The following ADAM12 variants were observed in gnomAD, a reference collection of about 807,000 sequenced individuals.
The protein encoded by ADAM12 is disintegrin and metalloproteinase domain-containing protein 12.
ADAM12 carries 70 observed loss-of-function variants against 106.4 expected under a neutral mutation model. The ratio of observed to expected loss-of-function variants is 0.66; its 90% CI spans 0.54 to 0.80. The LOEUF is 0.80. Ranked by LOEUF, ADAM12 falls within the 30% of genes least tolerant of loss-of-function variation. ADAM12 has a pLI of 0.00. For missense variants in ADAM12, 1,010 were observed against 1,171.9 expected, an observed-to-expected ratio of 0.86 and a Z score of 2.02; for synonymous variants, 420 against 433.5, an observed-to-expected ratio of 0.97 and a Z score of 0.39.
chr10:126,379,375 G>A (rs764151852), intron 1 of ADAM12, among the ~76,000 whole-genome samples: 1 of 152,172 alleles, frequency 6.6e-6, no homozygotes, highest in Admixed American at 6.5e-5. Context: ...AAAAGGATGA[G>A]TTCATGTCCT....
chr10:126,065,809 C>T (rs780954337), intron 13 of ADAM12, among the ~76,000 whole-genome samples: 25 of 152,156 alleles, frequency 1.6e-4, no homozygotes, highest in Admixed American at 8.5e-4. Context: ...CCTCCCCTTA[C>T]TTGGGCATCC....
At chr10:126,261,307 G>T (rs986794452) in intron 3 of ADAM12, among the ~76,000 whole-genome samples, 1 of 152,110 alleles carries the variant, frequency 6.6e-6, no homozygotes, top group Admixed American at 6.5e-5. Flanking sequence ...TTGAAACAAC[G>T]AACGGGCTGC....
intron 9 of ADAM12, 65 bp from the exon 10 acceptor site, chr10:126,098,565 A>C (rs1489666721): frequency 4.0e-5 from 55 of 1,388,028 alleles, no homozygotes; most frequent in Non-Finnish European, 5.4e-5. Context: ...TAATATTTAA[A>C]AATTCTGTTG....
Position 126,020,342 on chromosome 10 carries a change from A to G in ADAM12, c.2530-517T>C, listed in dbSNP as rs548093670. Among the ~76,000 whole-genome samples the G allele has an allele frequency of 3.5e-3, 540 of 152,162 alleles. 2 individuals carry two copies. Among genetic ancestry groups the G allele is most frequent in the African/African-American group, 0.013 (530 of 41,458 alleles). ...TCTGAAGGCTCCGCGAAATACACTG[A>G]AGTTCTTCCACTAGATACTTTCTCA... On this transcript the variant is annotated intron_variant, in intron 21 of 22. Coordinates refer to ENST00000448723, the MANE Select transcript of ADAM12 (RefSeq NM_001288973.2).
intron 1 of ADAM12, among the ~76,000 whole-genome samples, chr10:126,363,549 T>C (rs1476471513): frequency 6.6e-6 from 1 of 152,192 alleles, no homozygotes; most frequent in East Asian, 1.9e-4. Context: ...TTCCCCAGTT[T>C]GCTTCCCTGA....
intron 16 of ADAM12, among the ~76,000 whole-genome samples, chr10:126,047,695 G>C (rs777753524): frequency 1.3e-4 from 20 of 152,286 alleles, no homozygotes; most frequent in Non-Finnish European, 2.2e-4. Context: ...TACTGCTGGT[G>C]GAGTGTAAAT....
At chr10:126,201,187 G>A (rs116380733) in intron 3 of ADAM12, among the ~76,000 whole-genome samples, 9 of 152,216 alleles carry the variant, frequency 5.9e-5, no homozygotes, top group Middle Eastern at 6.8e-3. Flanking sequence ...AAAAAGATAC[G>A]TTTAACTCCT....
At chr10:126,310,659 C>T (rs754693504) in intron 2 of ADAM12, among the ~76,000 whole-genome samples, 5 of 152,126 alleles carry the variant, frequency 3.3e-5, no homozygotes, top group Non-Finnish European at 7.4e-5. Flanking sequence ...AACTGGAGTG[C>T]TAACTCTCAA....
rs1044126230 is a variant in ADAM12 at position 126,039,281 on chromosome 10, A to C, written c.2240+13T>G. The C allele has an allele frequency of 6.2e-7, 1 of 1,613,394 alleles. No individual in the cohort carries two copies. The highest frequency in any genetic ancestry group is 8.5e-7 in the Non-Finnish European group (1 of 1,179,584). Reference sequence around the variant, plus strand: ...CCATTTCTAGAACAGATGACAAGCTAAACCCAGGGTACCTTAGTTTTTCAA... The same window carrying C: ...CCATTTCTAGAACAGATGACAAGCTCAACCCAGGGTACCTTAGTTTTTCAA... On this transcript the variant is annotated intron_variant, in intron 19 of 22. Coordinates refer to ENST00000448723, the MANE Select transcript of ADAM12 (RefSeq NM_001288973.2).
At chr10:126,228,929 C>T (rs567955705) in intron 3 of ADAM12, among the ~76,000 whole-genome samples, 4 of 152,286 alleles carry the variant, frequency 2.6e-5, no homozygotes, top group Admixed American at 1.3e-4. Context: ...AAAAAAAATT[C>T]TTACTGGCAG....
rs976644514 is a variant in ADAM12 at position 126,016,056 on chromosome 10, TCA to T, written c.*1221_*1222del. 5.3e-4 allele frequency: 81 copies of T among 152,256 alleles called. No homozygotes were observed. Among genetic ancestry groups the T allele is most frequent in the African/African-American group, 1.9e-3 (81 of 41,554 alleles). 9.4% of individuals were successfully genotyped at this position (152,256 alleles called of 1,614,324 possible). The stretch of plus-strand genomic sequence containing the variant: ...GGTTGCAAGTGTTTAAGAAATAGGT[TCA>T]GACTCTGTTAAAAGCATCTTTTAAA... On this transcript the variant is annotated 3_prime_UTR_variant, in exon 23 of 23. Coordinates refer to ENST00000448723, the MANE Select transcript of ADAM12 (RefSeq NM_001288973.2).
intron 3 of ADAM12, among the ~76,000 whole-genome samples, chr10:126,216,529 T>G (rs951211904): frequency 6.6e-6 from 1 of 152,220 alleles, no homozygotes; most frequent in Non-Finnish European, 1.5e-5. Flanking sequence ...GATCTGTTGT[T>G]TCAGCCTCAA....
intron 2 of ADAM12, among the ~76,000 whole-genome samples, chr10:126,281,264 C>T (rs1005252748): frequency 2.0e-5 from 3 of 152,150 alleles, no homozygotes; most frequent in African/African-American, 7.2e-5. Flanking sequence ...TGTATAACTA[C>T]ATGTTTCATA....
chr10:126,256,896 C>T (rs187600371), intron 3 of ADAM12, among the ~76,000 whole-genome samples: 1 of 133,658 alleles, frequency 7.5e-6, no homozygotes, highest in Non-Finnish European at 1.6e-5. Context: ...TGTTCCTGCA[C>T]CTTTGGATGG....
At chr10:126,169,558 T>A (rs1957082413) in intron 3 of ADAM12, among the ~76,000 whole-genome samples, 1 of 152,150 alleles carries the variant, frequency 6.6e-6, no homozygotes, top group Non-Finnish European at 1.5e-5. Flanking sequence ...TTGCTGCTAT[T>A]TTAGGATATG....
chr10:126,288,167 G>T (rs949285290), intron 2 of ADAM12, among the ~76,000 whole-genome samples: 2 of 152,134 alleles, frequency 1.3e-5, no homozygotes, highest in Non-Finnish European at 2.9e-5. Flanking sequence ...GGAGGCCAAC[G>T]TCCTCTGTGG....
At chr10:126,083,860 C>T (rs1424844044) in intron 11 of ADAM12, among the ~76,000 whole-genome samples, 1 of 152,224 alleles carries the variant, frequency 6.6e-6, no homozygotes, top group African/African-American at 2.4e-5. Context: ...AACGATAGAA[C>T]AGAACCGAGG....
In ADAM12 at chr10:126,017,276, T is replaced by A; in HGVS notation, c.*3A>T. ...TTCACTGTTGAAAAAAGGTGTCGGC[T>A]TCTCACTTAATATAGGCGGTGTGGG... On this transcript the variant is annotated 3_prime_UTR_variant, in exon 23 of 23. Coordinates refer to ENST00000448723, the MANE Select transcript of ADAM12 (RefSeq NM_001288973.2). The A allele has an allele frequency of 6.3e-7, 1 of 1,592,452 alleles. No individual in the cohort carries two copies. The highest frequency in any genetic ancestry group is 1.1e-5 in the South Asian group (1 of 87,260).
chr10:126,114,896 C>T (rs1955951969), intron 6 of ADAM12, among the ~76,000 whole-genome samples: 1 of 152,216 alleles, frequency 6.6e-6, no homozygotes, highest in African/African-American at 2.4e-5. Flanking sequence ...AGTTTTCAAA[C>T]AGTTCTGGCC....
Sources: gnomAD v4.1 joint callset for allele counts (sites outside exome capture counted in the v4.1 genomes callset) on GRCh38, gnomAD v4.1.1 for gene constraint, MANE v1.5 for transcripts, NCBI Gene and HGNC (gene_info 2026-07-23, HGNC 2026-07-21) for gene names.